The following ZNF527 variants were observed in gnomAD, a reference collection of about 807,000 sequenced individuals.
The protein encoded by ZNF527 is zinc finger protein 527.
A neutral mutation model predicts 13.5 loss-of-function variants in ZNF527; 5 were observed. The ratio of observed to expected loss-of-function variants is 0.37; its 90% CI spans 0.19 to 0.78. The LOEUF (loss-of-function observed/expected upper bound fraction) is 0.78. Ranked by LOEUF, ZNF527 falls within the 30% of genes least tolerant of loss-of-function variation. ZNF527 has a pLI of 0.48. For missense variants in ZNF527, 628 were observed against 726.4 expected (o/e 0.86, Z 1.56); for synonymous variants, 209 against 243.1 (o/e 0.86, Z 1.30).
intron 4 of ZNF527, among the ~76,000 whole-genome samples, chr19:37,384,115 C>A (rs1206021655): frequency 6.6e-6 from 1 of 151,690 alleles, no homozygotes; most frequent in Non-Finnish European, 1.5e-5. Context: ...GTCAAGAATT[C>A]AAGACCAGCC....
chr19:37,389,108 T>C lies in ZNF527; in HGVS notation c.1059T>C (p.Thr353=), dbSNP rs1247368972. 1 of 1,614,234 alleles carries C rather than the reference T, an allele frequency of 6.2e-7. No homozygotes were observed. The highest frequency in any genetic ancestry group is 1.7e-5 in the Admixed American group (1 of 60,022). ...TTGCTCAACATCAGAGGATCCACAC[T>C]GGAGAGAAACCGTTTGCGTGCAATG... ...AHLAQHQRIH[T]GEKPFACNEC... is the part of the protein sequence containing the mutation. The change falls in exon 5 of 5, where the codon ACT becomes ACC. Residue 353 remains threonine (T), a synonymous_variant. Transcript: ENST00000436120.
Position 37,388,335 on chromosome 19 carries a change from T to G in ZNF527, c.286T>G (p.Leu96Val). The change falls in exon 5 of 5, where the codon TTA (leucine) becomes GTA (valine). Residue 96 changes from leucine (L) to valine (V), a missense_variant. Coordinates refer to ENST00000436120, the MANE Select transcript of ZNF527 (RefSeq NM_032453.2). ...DWESWCEIEE[L>V]SPKWFIDEDE... ...GGAGTCTTGGTGTGAAATTGAGGAATTATCTCCAAAATGGTTCATTGATGA... is the reference window on the plus strand; with the variant it reads ...GGAGTCTTGGTGTGAAATTGAGGAAGTATCTCCAAAATGGTTCATTGATGA... 1 of 1,613,462 alleles carries G rather than the reference T, an allele frequency of 6.2e-7. No individual in the cohort carries two copies. The highest frequency in any genetic ancestry group is 2.2e-5 in the East Asian group (1 of 44,870).
chr19:37,389,321 C>T lies in ZNF527; in HGVS notation c.1272C>T (p.Ser424=). 1 of 1,613,896 alleles carries T rather than the reference C, an allele frequency of 6.2e-7. No homozygotes were observed. The highest frequency in any genetic ancestry group is 8.5e-7 in the Non-Finnish European group (1 of 1,179,986). The change falls in exon 5 of 5, where the codon AGC becomes AGT. Residue 424 remains serine (S), a synonymous_variant. Coordinates refer to ENST00000436120, the MANE Select transcript of ZNF527 (RefSeq NM_032453.2). ...GTAATCAGTGTGGAAAAGCCTTCAG[C>T]AGACGCATAGCCCTTACTCTACATC... ...YECNQCGKAF[S]RRIALTLHQR... is the part of the protein sequence containing the mutation.
chr19:37,375,311 T>TTTTTTTTCTTTCTTTCTTTCTTTC (rs2040595973), intron 2 of ZNF527, among the ~76,000 whole-genome samples: 1 of 79,796 alleles, frequency 1.3e-5, no homozygotes, highest in African/African-American at 5.6e-5. Context: ...TCTTTCTTTC[T>TTTTTTTTCTTTCTTTCTTTCTTTC]TTTCTTTCTT....
At chr19:37,376,139 ATG>A (rs2040605822) in intron 2 of ZNF527, among the ~76,000 whole-genome samples, 1 of 151,944 alleles carries the variant, frequency 6.6e-6, no homozygotes, top group South Asian at 2.1e-4. Flanking sequence ...AAGACCAGTT[ATG>A]TATGCAGGGC....
At chr19:37,375,330 TCTTTCTTTCCTTTCTTTC>T (rs1165965005) in intron 2 of ZNF527, among the ~76,000 whole-genome samples, 4 of 147,516 alleles carry the variant, frequency 2.7e-5, no homozygotes, top group Admixed American at 6.9e-5. Flanking sequence ...TTTCTTTCTT[TCTTTCTTTCCTTTCTTTC>T]CTTTCTTTCT....
intron 2 of ZNF527, among the ~76,000 whole-genome samples, chr19:37,375,501 A>C (rs1432955104): frequency 6.6e-6 from 1 of 151,116 alleles, no homozygotes; most frequent in African/African-American, 2.4e-5. Context: ...AGCTGGGACT[A>C]TAGGCACACA....
At chr19:37,379,075 T>C (rs1236273642) in intron 2 of ZNF527, 45 bp from the exon 3 acceptor site, 1 of 1,613,390 alleles carries the variant, frequency 6.2e-7, no homozygotes, top group Admixed American at 1.7e-5. Context: ...GCTAGGACCA[T>C]ATAGGTGTCT....
intron 2 of ZNF527, among the ~76,000 whole-genome samples, chr19:37,375,311 T>TTTCTTTCTTTTCTTTC (rs760003304): frequency 1.4e-4 from 11 of 79,832 alleles, no homozygotes; most frequent in East Asian, 3.7e-4. Context: ...TCTTTCTTTC[T>TTTCTTTCTTTTCTTTC]TTTCTTTCTT....
intron 4 of ZNF527, among the ~76,000 whole-genome samples, chr19:37,384,687 G>A (rs1204100649): frequency 6.6e-6 from 1 of 152,130 alleles, no homozygotes; most frequent in East Asian, 1.9e-4. Flanking sequence ...TTAAGCTTTT[G>A]ATATTGTCCT....
Position 37,388,648 on chromosome 19 carries a change from TC to T in ZNF527, c.604del (p.Gln202LysfsTer5). On this transcript the variant is annotated frameshift_variant, in exon 5 of 5. Transcript: ENST00000436120. LOFTEE classifies it low-confidence loss of function (END_TRUNC). ...AAATTTGATATTTATGATAAACTCT[TC>T]CCCCAAAATTCAGTCATAATTGAAT... is the stretch of plus-strand genomic sequence containing the variant. The part of the protein sequence containing the change: ...VHKFDIYDKL[F>X]PQNSVIIEYK... 5.0e-6 allele frequency: 8 copies of T among 1,613,254 alleles called. No homozygotes were observed. The highest frequency in any genetic ancestry group is 1.1e-5 in the South Asian group (1 of 90,782).
chr19:37,373,695 A>G (rs1477862872), intron 1 of ZNF527, among the ~76,000 whole-genome samples: 1 of 152,216 alleles, frequency 6.6e-6, no homozygotes, highest in Non-Finnish European at 1.5e-5. Context: ...AGTCCCTCTG[A>G]TGAAGGGACA....
chr19:37,376,137 T>C (rs185369), intron 2 of ZNF527, among the ~76,000 whole-genome samples: 97,596 of 151,908 alleles, frequency 0.64, 33,044 homozygotes, highest in African/African-American at 0.87. Flanking sequence ...TCAAGACCAG[T>C]TATGTATGCA....
chr19:37,381,837 A>G (rs888817700), intron 4 of ZNF527, among the ~76,000 whole-genome samples: 1 of 151,978 alleles, frequency 6.6e-6, no homozygotes, highest in Non-Finnish European at 1.5e-5. Context: ...TTTCTCCTCC[A>G]TTTACTTATA....
chr19:37,375,063 C>T lies in ZNF527; in HGVS notation c.33+832C>T, dbSNP rs528229451. Among the ~76,000 whole-genome samples, 3 of 152,214 alleles carry T rather than the reference C, an allele frequency of 2.0e-5. No individual in the cohort carries two copies. The East Asian group carries it at 5.8e-4, about 29-fold the overall frequency. On this transcript the variant is annotated intron_variant, in intron 2 of 4. Coordinates refer to ENST00000436120, the MANE Select transcript of ZNF527 (RefSeq NM_032453.2). ...TCAGGATGCCTACAGAGATTTTTGG[C>T]TAGGCAGCTACATGAATGGGCATCC...
intron 2 of ZNF527, 73 bp from the exon 3 acceptor site, chr19:37,379,047 G>A (rs1472954952): frequency 1.3e-6 from 2 of 1,582,764 alleles, no homozygotes; most frequent in Non-Finnish European, 1.7e-6. Flanking sequence ...TTGAACTCTG[G>A]CCAAATTCAT....
In ZNF527 at chr19:37,391,563, CCTT is replaced by C. The variant is rs1014806404; in HGVS notation, c.*1687_*1689del. The C allele has an allele frequency of 1.7e-4, 25 of 146,148 alleles. No homozygotes were observed. The highest frequency in any genetic ancestry group is 6.9e-4 in the Admixed American group (10 of 14,454). 9.1% of individuals were successfully genotyped at this position (146,148 alleles called of 1,614,324 possible). A position where few individuals can be genotyped will look rare whatever the true frequency, so the allele number is the denominator to read the frequency against. ...CAGCCTGGGCAACAAGAGCGAAACT[CCTT>C]CTCAAAAAAAAAAAAAAAAAAAAAA... On this transcript the variant is annotated 3_prime_UTR_variant, in exon 5 of 5. Transcript: ENST00000436120.
At position 37,390,180 on chromosome 19, in the gene ZNF527, C is replaced by T. The variant is rs186622721; in HGVS notation, c.*301C>T. 61 of 214,260 alleles carry T rather than the reference C, an allele frequency of 2.8e-4. No individual in the cohort carries two copies. The East Asian group carries it at 5.8e-3, about 20-fold the overall frequency. 13.3% of individuals were successfully genotyped at this position (214,260 alleles called of 1,614,324 possible). Reference sequence around the variant, plus strand: ...AGTAGCTGGGATTACAGGTGCCTGCCACCATACCTGGCTAATTTTTGTATT... The same window carrying T: ...AGTAGCTGGGATTACAGGTGCCTGCTACCATACCTGGCTAATTTTTGTATT... On this transcript the variant is annotated 3_prime_UTR_variant, in exon 5 of 5. Coordinates refer to ENST00000436120, the MANE Select transcript of ZNF527 (RefSeq NM_032453.2).
intron 2 of ZNF527, among the ~76,000 whole-genome samples, chr19:37,376,742 G>A (rs1257815380): frequency 6.8e-6 from 1 of 146,182 alleles, no homozygotes; most frequent in Non-Finnish European, 1.5e-5. Flanking sequence ...AGGAAGGTGA[G>A]AACAAAGACA....
Sources: gnomAD v4.1 joint callset for allele counts (sites outside exome capture counted in the v4.1 genomes callset) on GRCh38, gnomAD v4.1.1 for gene constraint, MANE v1.5 for transcripts, NCBI Gene and HGNC (gene_info 2026-07-23, HGNC 2026-07-21) for gene names.